The following OGA variants were observed in gnomAD, a reference collection of about 807,000 sequenced individuals.
The protein encoded by OGA is O-GlcNAcase.
In OGA, 21 loss-of-function variants were observed where a neutral mutation model predicts 102.0. That is an observed-to-expected ratio of 0.21 (90% CI 0.15 to 0.30). The LOEUF is 0.30. Ranked by LOEUF, OGA falls within the 10% of genes least tolerant of loss-of-function variation. The probability of loss-of-function intolerance (pLI) is 1.00; values close to 1 mark genes in which losing one functional copy is unlikely to be tolerated. For missense variants in OGA, 765 were observed against 1,107.8 expected, an observed-to-expected ratio of 0.69 and a Z score of 4.39; for synonymous variants, 408 against 378.2, an observed-to-expected ratio of 1.08 and a Z score of -0.91.
At chr10:101,795,532 T>C (rs2065303914) in intron 10 of OGA, among the ~76,000 whole-genome samples, 1 of 152,218 alleles carries the variant, frequency 6.6e-6, no homozygotes, top group Admixed American at 6.5e-5. Flanking sequence ...TCAAAAGTAC[T>C]GCATAGCCAC....
Position 101,795,361 on chromosome 10 carries a change from C to A in OGA, c.1985-1363G>T, listed in dbSNP as rs191803700. On this transcript the variant is annotated intron_variant, in intron 10 of 15. Coordinates refer to ENST00000361464, the MANE Select transcript of OGA (RefSeq NM_012215.5). Reference sequence around the variant, plus strand: ...CAGTTCATGTCTACCGCCCTTAAATCTACCTGAGCTACCTCACAGATAGAA... The same window carrying A: ...CAGTTCATGTCTACCGCCCTTAAATATACCTGAGCTACCTCACAGATAGAA... 2.4e-4 allele frequency among the ~76,000 whole-genome samples: 37 copies of A among 152,378 alleles called. No homozygotes were observed. In the South Asian group the frequency reaches 3.5e-3, roughly 14 times the overall value.
At chr10:101,805,608 T>C (rs1212367949) in intron 6 of OGA, among the ~76,000 whole-genome samples, 1 of 148,114 alleles carries the variant, frequency 6.8e-6, no homozygotes, top group African/African-American at 2.5e-5. Flanking sequence ...GGAGCTGAGA[T>C]TGTGCCACTG....
rs781160110 is a variant in OGA at position 101,799,485 on chromosome 10, A to C, written c.1196-30T>G. 8 of 1,578,834 alleles carry C rather than the reference A, an allele frequency of 5.1e-6. No individual in the cohort carries two copies. In the South Asian group the frequency reaches 8.0e-5, roughly 16 times the overall value. On this transcript the variant is annotated intron_variant, in intron 8 of 15. Transcript: ENST00000361464. ...AAAAATAAATAAATGTATAAATAAA[A>C]TGGTCACACAGATAATCAGAATTAG...
intron 4 of OGA, 32 bp from the exon 5 acceptor site, chr10:101,807,933 T>C: frequency 7.0e-7 from 1 of 1,430,542 alleles, no homozygotes. Context: ...GAATCAAGAG[T>C]AAAAAAATTA....
rs575086641 is a variant in OGA, at chr10:101,792,770, A to G, written c.2175+69T>C. 581 of 1,066,872 alleles carry G rather than the reference A, an allele frequency of 5.4e-4. 8 individuals carry two copies. In the South Asian group the frequency reaches 8.3e-3, roughly 15 times the overall value. The allele number at this position is 1,066,872 out of a possible 1,614,324, so 66.1% of individuals were successfully genotyped here. Reference sequence around the variant, plus strand: ...GACAGAAGGATTCCTTTAACCAGTGAGTTAAAAGGTTAAGTTTTAAGTGTG... The same window carrying G: ...GACAGAAGGATTCCTTTAACCAGTGGGTTAAAAGGTTAAGTTTTAAGTGTG... On this transcript the variant is annotated intron_variant, in intron 12 of 15. Coordinates refer to ENST00000361464, the MANE Select transcript of OGA (RefSeq NM_012215.5).
chr10:101,794,018 G>T lies in OGA; in HGVS notation c.1985-20C>A. The T allele has an allele frequency of 6.3e-7, 1 of 1,579,936 alleles. No individual in the cohort carries two copies. Among genetic ancestry groups the T allele is most frequent in the Non-Finnish European group, 8.7e-7 (1 of 1,151,460 alleles). ...GACACCCTGTTGAGATCAGATCCAAGCGGAGAACGTTACGAGAAAGGGGAT... is the reference window on the plus strand; with the variant it reads ...GACACCCTGTTGAGATCAGATCCAATCGGAGAACGTTACGAGAAAGGGGAT... On this transcript the variant is annotated intron_variant, in intron 10 of 15. Coordinates refer to ENST00000361464, the MANE Select transcript of OGA (RefSeq NM_012215.5).
In OGA at chr10:101,810,166, T is replaced by C; in HGVS notation, c.480+18A>G. ...CAAGTACATAGTCAGGAAAAATGAA[T>C]AAAAAGTAAGGAGTTACCTGGTCCA... On this transcript the variant is annotated intron_variant, in intron 4 of 15. Coordinates refer to ENST00000361464, the MANE Select transcript of OGA (RefSeq NM_012215.5). 1 of 1,593,622 alleles carries C rather than the reference T, an allele frequency of 6.3e-7. No individual in the cohort carries two copies. The highest frequency in any genetic ancestry group is 8.5e-7 in the Non-Finnish European group (1 of 1,170,794).
intron 3 of OGA, among the ~76,000 whole-genome samples, chr10:101,811,576 G>A (rs557711770): frequency 2.6e-5 from 4 of 152,060 alleles, no homozygotes; most frequent in African/African-American, 4.8e-5. Context: ...GGTGACCCGC[G>A]CTTGTAGTCC....
At chr10:101,815,919 A>C (rs1027847079) in intron 1 of OGA, among the ~76,000 whole-genome samples, 1 of 139,862 alleles carries the variant, frequency 7.1e-6, no homozygotes, top group African/African-American at 2.7e-5. Context: ...TTCTATGCTC[A>C]TTCATTTTAC....
chr10:101,793,349 G>C (rs1252155825), intron 11 of OGA, among the ~76,000 whole-genome samples: 3 of 152,188 alleles, frequency 2.0e-5, no homozygotes, highest in African/African-American at 4.8e-5. Flanking sequence ...TCCAGGAGAC[G>C]CTTTATCCCC....
intron 2 of OGA, 59 bp downstream of exon 2, chr10:101,813,496 C>T (rs1263542386): frequency 1.8e-6 from 2 of 1,120,110 alleles, no homozygotes; most frequent in Non-Finnish European, 2.6e-6. Flanking sequence ...TTTCTTCAAA[C>T]AAAAGAAAAT....
In OGA at chr10:101,799,067, T is replaced by C. The variant is rs1190354468; in HGVS notation, c.1584A>G (p.Gln528=). Residue 528 remains glutamine (Q), a synonymous_variant, in exon 9 of 16, where the codon CAA becomes CAG. Transcript: ENST00000361464. ...EDCISDIAPM[Q]TDEQTNKEQF... The stretch of plus-strand genomic sequence containing the variant: ...GCTCCTTGTTTGTCTGTTCATCAGT[T>C]TGCATGGGGGCAATGTCACTAATAC... The C allele has an allele frequency of 2.0e-5, 33 of 1,614,104 alleles. No individual in the cohort carries two copies. Among genetic ancestry groups the C allele is most frequent in the Non-Finnish European group, 2.6e-5 (31 of 1,180,048 alleles).
intron 3 of OGA, chr10:101,812,677 T>G: frequency 3.7e-6 from 1 of 269,502 alleles, no homozygotes; most frequent in South Asian, 4.8e-5. Flanking sequence ...CCCTTAAAAT[T>G]TGCACCCAAG....
chr10:101,804,704 C>T (rs1294408195), intron 6 of OGA, among the ~76,000 whole-genome samples: 1 of 152,100 alleles, frequency 6.6e-6, no homozygotes, highest in East Asian at 1.9e-4. Context: ...AATCCTCTCA[C>T]CTCAGCCTCC....
At chr10:101,809,697 C>T (rs2065525645) in intron 4 of OGA, among the ~76,000 whole-genome samples, 1 of 138,106 alleles carries the variant, frequency 7.2e-6, no homozygotes, top group African/African-American at 2.7e-5. Flanking sequence ...CAGGGCAAGA[C>T]TCTGTCTCAA....
In OGA at chr10:101,807,821, T is replaced by C. The variant is rs2065495858; in HGVS notation, c.561A>G (p.Val187=). Residue 187 remains valine, a synonymous_variant, in exon 5 of 16, where the codon GTA becomes GTG. Transcript: ENST00000361464. ...CTTGGGCATGAGCAAAAGAACTGAA[T>C]ACCTCTTTGTCTGCTGCACACATAT... ...DHNMCAADKE[V]FSSFAHAQVS... is the part of the protein sequence containing the mutation. 6.2e-7 allele frequency: 1 copy of C among 1,611,366 alleles called. No individual in the cohort carries two copies. Among genetic ancestry groups the C allele is most frequent in the African/African-American group, 1.3e-5 (1 of 74,674 alleles).
intron 1 of OGA, among the ~76,000 whole-genome samples, chr10:101,816,192 G>A (rs553050973): frequency 3.3e-4 from 51 of 152,248 alleles, no homozygotes; most frequent in Middle Eastern, 6.8e-3. Flanking sequence ...GAACCCGGGA[G>A]GCGGAGGTTG....
intron 7 of OGA, 77 bp downstream of exon 7, chr10:101,803,658 G>T: frequency 7.4e-7 from 1 of 1,355,828 alleles, no homozygotes; most frequent in Non-Finnish European, 1.0e-6. Context: ...TGATGACAAA[G>T]GAATGCATAC....
chr10:101,789,457 C>T (rs2065231003), intron 14 of OGA, among the ~76,000 whole-genome samples: 4 of 152,070 alleles, frequency 2.6e-5, no homozygotes. Flanking sequence ...AAGATTGCGT[C>T]ACTGCACTCC....
Sources: gnomAD v4.1 joint callset for allele counts (sites outside exome capture counted in the v4.1 genomes callset) on GRCh38, gnomAD v4.1.1 for gene constraint, MANE v1.5 for transcripts, NCBI Gene and HGNC (gene_info 2026-07-23, HGNC 2026-07-21) for gene names.